TADA2A: variants seen among roughly 807,000 people sequenced by gnomAD.
TADA2A encodes transcriptional adapter 2-alpha.
TADA2A carries 38 observed loss-of-function variants against 67.4 expected under a neutral mutation model. The ratio of observed to expected loss-of-function variants is 0.56; its 90% confidence interval spans 0.44 to 0.74. TADA2A has a LOEUF of 0.74. TADA2A is among the 30% of genes least tolerant of loss of function. The probability of loss-of-function intolerance (pLI) is 0.00; values close to 1 mark genes in which losing one functional copy is unlikely to be tolerated. For synonymous variants in TADA2A, 192 were observed against 181.6 expected (o/e 1.06, Z -0.46); for missense variants, 454 against 547.0 (o/e 0.83, Z 1.70).
intron 4 of TADA2A, among the ~76,000 whole-genome samples, chr17:37,431,081 A>G (rs1403394773): frequency 1.3e-5 from 2 of 151,988 alleles, no homozygotes; most frequent in East Asian, 3.9e-4. Flanking sequence ...AGGTATAACA[A>G]GTTCTAAGTG....
At chr17:37,410,890 A>G (rs1413321749) in intron 1 of TADA2A, among the ~76,000 whole-genome samples, 1 of 152,180 alleles carries the variant, frequency 6.6e-6, no homozygotes, top group Non-Finnish European at 1.5e-5. Flanking sequence ...AGCTAAGGAG[A>G]GAAATGATGC....
intron 8 of TADA2A, among the ~76,000 whole-genome samples, chr17:37,447,077 A>G (rs1014120452): frequency 1.3e-5 from 2 of 152,216 alleles, no homozygotes; most frequent in Non-Finnish European, 2.9e-5. Flanking sequence ...ATTAATCTTT[A>G]TACATAGTTA....
rs555550107 is a variant in TADA2A, at chr17:37,467,942, C to T, written c.895+417C>T. Among the ~76,000 whole-genome samples, 8 of 152,120 alleles carry T rather than the reference C, an allele frequency of 5.3e-5. No homozygotes were observed. The South Asian group carries it at 1.0e-3, about 20-fold the overall frequency. On this transcript the variant is annotated intron_variant, in intron 12 of 15. Coordinates refer to ENST00000615182, the MANE Select transcript of TADA2A (RefSeq NM_001166105.3). ...ACTAAAAATAAAAAAACTAGCCAGG[C>T]GTTGTGGTGCACACGTTTAATCCCA... is the stretch of plus-strand genomic sequence containing the variant.
chr17:37,415,484 T>C (rs989918841), intron 2 of TADA2A, among the ~76,000 whole-genome samples: 1 of 152,186 alleles, frequency 6.6e-6, no homozygotes, highest in Non-Finnish European at 1.5e-5. Context: ...TTATTGGAAA[T>C]GTATATTCAT....
intron 5 of TADA2A, 199 bp downstream of exon 5, chr17:37,438,028 C>A (rs550067495): frequency 3.7e-6 from 2 of 539,162 alleles, no homozygotes; most frequent in Admixed American, 6.5e-5. Context: ...GGATGTTTAG[C>A]GGTCCATGAC....
chr17:37,437,037 G>A (rs1024123187), intron 4 of TADA2A, among the ~76,000 whole-genome samples: 3 of 151,702 alleles, frequency 2.0e-5, no homozygotes, highest in African/African-American at 7.3e-5. Context: ...CTCATCATTC[G>A]GCTGTAAACT....
At chr17:37,428,473 G>A (rs1425718046) in intron 4 of TADA2A, among the ~76,000 whole-genome samples, 2 of 152,186 alleles carry the variant, frequency 1.3e-5, no homozygotes, top group East Asian at 1.9e-4. Flanking sequence ...CATCCTCAAA[G>A]CCAGGAGCAC....
chr17:37,456,349 T>C (rs2680718), intron 8 of TADA2A, among the ~76,000 whole-genome samples: 110,343 of 152,174 alleles, frequency 0.73, 40,647 homozygotes, highest in East Asian at 0.97. Flanking sequence ...TAAAATATTT[T>C]TCAAGTACCA....
chr17:37,448,456 T>G (rs2158239), intron 8 of TADA2A, among the ~76,000 whole-genome samples: 2,023 of 152,268 alleles, frequency 0.013, 17 homozygotes, highest in Non-Finnish European at 0.02. Flanking sequence ...CATATTTTAT[T>G]GAAATAAGCA....
At chr17:37,451,208 T>A (rs758518192) in intron 8 of TADA2A, among the ~76,000 whole-genome samples, 38 of 152,072 alleles carry the variant, frequency 2.5e-4, no homozygotes, top group African/African-American at 4.1e-4. Context: ...ATAAAAAAAA[T>A]TTTTGTAGAG....
intron 10 of TADA2A, among the ~76,000 whole-genome samples, chr17:37,464,912 C>T (rs979578354): frequency 2.0e-5 from 3 of 150,146 alleles, no homozygotes; most frequent in African/African-American, 7.4e-5. Flanking sequence ...TTTGGGAGGC[C>T]GAGGCGGGTG....
At chr17:37,456,227 C>T (rs929548141) in intron 8 of TADA2A, among the ~76,000 whole-genome samples, 1 of 152,048 alleles carries the variant, frequency 6.6e-6, no homozygotes, top group Non-Finnish European at 1.5e-5. Flanking sequence ...GAAAGGTAGG[C>T]GTAATCAAGA....
chr17:37,423,837 C>T (rs1009933773), intron 3 of TADA2A, among the ~76,000 whole-genome samples: 1 of 151,330 alleles, frequency 6.6e-6, no homozygotes, highest in African/African-American at 2.4e-5. Context: ...GCAATCTCCA[C>T]CTCTTAGGTT....
intron 2 of TADA2A, among the ~76,000 whole-genome samples, chr17:37,412,612 C>T (rs187781507): frequency 2.6e-5 from 4 of 152,034 alleles, no homozygotes; most frequent in African/African-American, 9.6e-5. Context: ...GGCAAAACCC[C>T]GTCTCTACTA....
At chr17:37,476,096 T>C (rs751242213) in intron 15 of TADA2A, among the ~76,000 whole-genome samples, 5 of 151,972 alleles carry the variant, frequency 3.3e-5, no homozygotes, top group Non-Finnish European at 5.9e-5. Flanking sequence ...AGTTTGGGAG[T>C]GGAAGGAAAT....
intron 1 of TADA2A, among the ~76,000 whole-genome samples, chr17:37,409,625 G>A (rs1326065740): frequency 4.6e-5 from 7 of 151,196 alleles, no homozygotes; most frequent in South Asian, 2.1e-4. Flanking sequence ...AAATTAGCCA[G>A]GCCTGGTGGC....
At chr17:37,413,357 T>C (rs943101345) in intron 2 of TADA2A, among the ~76,000 whole-genome samples, 6 of 152,176 alleles carry the variant, frequency 3.9e-5, no homozygotes, top group Non-Finnish European at 8.8e-5. Context: ...GAAATCTAAG[T>C]GGACTGCTCT....
intron 11 of TADA2A, among the ~76,000 whole-genome samples, chr17:37,466,197 G>A (rs1467339974): frequency 1.3e-5 from 2 of 152,126 alleles, no homozygotes; most frequent in East Asian, 3.8e-4. Flanking sequence ...AAGGCAAGAG[G>A]ATTGCTTGAG....
intron 8 of TADA2A, among the ~76,000 whole-genome samples, chr17:37,448,484 A>AAG (rs577106130): frequency 6.6e-6 from 1 of 152,072 alleles, no homozygotes; most frequent in Non-Finnish European, 1.5e-5. Flanking sequence ...TTGGTTCAGA[A>AAG]AGAGAGAGAG....
Sources: gnomAD v4.1 joint callset for allele counts (sites outside exome capture counted in the v4.1 genomes callset) on GRCh38, gnomAD v4.1.1 for gene constraint, MANE v1.5 for transcripts, NCBI Gene and HGNC (gene_info 2026-07-23, HGNC 2026-07-21) for gene names.